Variants in LRRC8C observed in about 807,000 individuals in gnomAD.
LRRC8C encodes the protein leucine rich repeat containing 8 VRAC subunit C, also known as volume-regulated anion channel subunit LRRC8C.
In LRRC8C, 20 loss-of-function variants were observed where a neutral mutation model predicts 55.3. The ratio of observed to expected loss-of-function variants is 0.36; its 90% CI spans 0.25 to 0.53. LRRC8C has a LOEUF of 0.53. Among genes scored for constraint, LRRC8C ranks in the 20% least tolerant of loss-of-function variants. The pLI is 0.92. For missense variants in LRRC8C, 659 were observed against 951.4 expected (o/e 0.69, Z 4.04); for synonymous variants, 376 against 360.7 (o/e 1.04, Z -0.48).
chr1:89,714,613 A>G lies in LRRC8C; in HGVS notation c.2043A>G (p.Leu681=), dbSNP rs1441245880. 21 of 1,613,908 alleles carry G rather than the reference A, an allele frequency of 1.3e-5. No homozygotes were observed. Among genetic ancestry groups the G allele is most frequent in the East Asian group, 2.2e-5 (1 of 44,898 alleles). The change falls in exon 3 of 3, where the codon CTA becomes CTG. Residue 681 remains leucine, a synonymous_variant. Coordinates refer to ENST00000370454, the MANE Select transcript of LRRC8C (RefSeq NM_032270.5). This position sits in a 1 kb window ranked among gnomAD's most constrained non-coding sequence, Gnocchi z 4.6. The stretch of plus-strand genomic sequence containing the variant: ...AGGTGCTGCCTTCCCACCTCTTCCT[A>G]TGCAACAAGATCCGATACTTGGACT... ...KIEVLPSHLF[L]CNKIRYLDLS...
At chr1:89,624,395 T>C in the LRRC8C span, among the ~76,000 whole-genome samples, 1 of 152,170 alleles carries the variant, frequency 6.6e-6, no homozygotes, top group Non-Finnish European at 1.5e-5. Flanking sequence ...CTATGTCATC[T>C]TTTTTGTGCT....
intron 1 of LRRC8C, among the ~76,000 whole-genome samples, chr1:89,658,479 G>C (rs769318987): frequency 6.6e-6 from 1 of 152,048 alleles, no homozygotes; most frequent in Admixed American, 6.6e-5. Context: ...CATCTCAGAC[G>C]CCAAGGCATT....
the LRRC8C span, among the ~76,000 whole-genome samples, chr1:89,618,482 C>A: frequency 6.6e-6 from 1 of 152,092 alleles, no homozygotes; most frequent in Non-Finnish European, 1.5e-5. Context: ...TTGAAAGCAG[C>A]ACTTTGGGAA....
intron 1 of LRRC8C, among the ~76,000 whole-genome samples, chr1:89,660,412 C>G (rs1444260251): frequency 1.3e-5 from 2 of 152,114 alleles, no homozygotes; most frequent in East Asian, 3.9e-4. Flanking sequence ...TGCCTGGGCC[C>G]CACCCCAGCG....
upstream of LRRC8C, among the ~76,000 whole-genome samples, chr1:89,631,231 A>T (rs1656098878): frequency 1.3e-5 from 2 of 152,080 alleles, no homozygotes; most frequent in African/African-American, 4.8e-5. Flanking sequence ...ACCTATAGGG[A>T]TGATAAGGGG....
intron 2 of LRRC8C, chr1:89,708,378 A>T (rs1243692998): frequency 1.3e-5 from 2 of 152,122 alleles, no homozygotes; most frequent in Non-Finnish European, 2.9e-5. Flanking sequence ...TTCTTTTGAG[A>T]TTTGTTTTGC....
intron 1 of LRRC8C, among the ~76,000 whole-genome samples, chr1:89,670,992 G>A (rs1180622445): frequency 6.6e-6 from 1 of 152,116 alleles, no homozygotes; most frequent in African/African-American, 2.4e-5. Context: ...AAAGAAAGGG[G>A]ATAATACATT....
At chr1:89,707,651 AGTGTGTGTGTGT>A (rs34052147) in intron 2 of LRRC8C, among the ~76,000 whole-genome samples, 1 of 139,966 alleles carries the variant, frequency 7.1e-6, no homozygotes, top group Non-Finnish European at 1.5e-5. Flanking sequence ...TGTGTGTGTG[AGTGTGTGTGTGT>A]GTGTGTGTGT....
chr1:89,632,875 GCATCCCTC>G (rs2101166244), upstream of LRRC8C: 1 of 152,532 alleles, frequency 6.6e-6, no homozygotes, highest in East Asian at 1.9e-4. Flanking sequence ...GCGGCCGGCG[GCATCCCTC>G]GCTGGCGAGT....
chr1:89,701,023 T>G (rs967650565), intron 2 of LRRC8C, among the ~76,000 whole-genome samples: 1 of 152,216 alleles, frequency 6.6e-6, no homozygotes, highest in Non-Finnish European at 1.5e-5. Flanking sequence ...AGCTCATGCC[T>G]GTAATCCCAG....
At chr1:89,679,740 C>A (rs956083332) in intron 1 of LRRC8C, among the ~76,000 whole-genome samples, 1 of 152,172 alleles carries the variant, frequency 6.6e-6, no homozygotes, top group African/African-American at 2.4e-5. Flanking sequence ...TACCTACCAT[C>A]ATTTGAAATT....
chr1:89,693,098 T>C (rs553139456), intron 2 of LRRC8C, among the ~76,000 whole-genome samples: 1 of 152,292 alleles, frequency 6.6e-6, no homozygotes, highest in South Asian at 2.1e-4. Context: ...GAAAAAAGAA[T>C]TATTTCAATG....
chr1:89,633,566 C>G (rs1266642641), intron 1 of LRRC8C, among the ~76,000 whole-genome samples: 1 of 152,180 alleles, frequency 6.6e-6, no homozygotes, highest in Non-Finnish European at 1.5e-5. Context: ...CGAGCGGCCG[C>G]GCGAGGATCT....
intron 1 of LRRC8C, among the ~76,000 whole-genome samples, chr1:89,677,993 G>A (rs1657595923): frequency 6.6e-6 from 1 of 152,132 alleles, no homozygotes; most frequent in South Asian, 2.1e-4. Context: ...GATGTTTTCA[G>A]CATATTCTGA....
upstream of LRRC8C, among the ~76,000 whole-genome samples, chr1:89,630,110 G>A (rs1398593815): frequency 6.6e-6 from 1 of 152,100 alleles, no homozygotes; most frequent in Non-Finnish European, 1.5e-5. Flanking sequence ...GGCGGAAGTT[G>A]CAGTCAGCGA....
chr1:89,653,889 C>T (rs1329254473), intron 1 of LRRC8C, among the ~76,000 whole-genome samples: 1 of 152,072 alleles, frequency 6.6e-6, no homozygotes, highest in Admixed American at 6.6e-5. Flanking sequence ...TAGGTATCTA[C>T]CCAAAGGAAA....
the LRRC8C span, among the ~76,000 whole-genome samples, chr1:89,627,394 T>A: frequency 6.6e-6 from 1 of 152,120 alleles, no homozygotes; most frequent in Non-Finnish European, 1.5e-5. Flanking sequence ...TTATAGTTCA[T>A]GTTGCCTTAA....
intron 1 of LRRC8C, among the ~76,000 whole-genome samples, chr1:89,648,257 C>G (rs947755521): frequency 2.6e-5 from 4 of 152,064 alleles, no homozygotes; most frequent in African/African-American, 9.7e-5. Context: ...AATTAATTAT[C>G]TAAAATTGCA....
chr1:89,712,660 G>T (rs1490876807), intron 2 of LRRC8C, 49 bp from the exon 3 acceptor site: 10 of 1,379,438 alleles, frequency 7.2e-6, no homozygotes, highest in South Asian at 1.2e-5. Context: ...ATGACATTAT[G>T]AAAGCTCTTT....
Sources: gnomAD v4.1 joint callset for allele counts (sites outside exome capture counted in the v4.1 genomes callset) on GRCh38, gnomAD v4.1.1 for gene constraint, Gnocchi (gnomAD v3.1) non-coding constraint, MANE v1.5 for transcripts, NCBI Gene and HGNC (gene_info 2026-07-23, HGNC 2026-07-21) for gene names.